Variants in DISC1 observed in about 807,000 individuals in gnomAD.
DISC1 encodes DISC1 scaffold protein, also known as disrupted in schizophrenia 1 protein.
DISC1 carries 57 observed loss-of-function variants against 84.5 expected under a neutral mutation model. That is an observed-to-expected ratio of 0.67 (90% CI 0.55 to 0.84). The LOEUF is 0.84. DISC1 is among the 40% of genes least tolerant of loss of function. The pLI is 0.00. For missense variants in DISC1, 1,000 were observed against 1,057.8 expected (o/e 0.95, Z 0.76); for synonymous variants, 411 against 415.2 (o/e 0.99, Z 0.12).
intron 1 of DISC1, among the ~76,000 whole-genome samples, chr1:231,666,615 C>G (rs964771561): frequency 1.3e-5 from 2 of 152,166 alleles, no homozygotes; most frequent in Non-Finnish European, 2.9e-5. Context: ...CAGACACAGG[C>G]CAGGCAGCTG....
At chr1:231,649,652 G>A (rs896329296) in intron 1 of DISC1, among the ~76,000 whole-genome samples, 5 of 152,264 alleles carry the variant, frequency 3.3e-5, no homozygotes, top group Admixed American at 1.3e-4. Context: ...TATTGACAGC[G>A]GGGTGTTAAA....
intron 9 of DISC1, chr1:231,943,859 G>A (rs931112918): frequency 5.3e-5 from 8 of 152,004 alleles, no homozygotes; most frequent in Admixed American, 2.0e-4. Flanking sequence ...GAGTAGCTGG[G>A]ACTATGGACA....
At chr1:232,003,265 G>A (rs1046989550) in intron 10 of DISC1, among the ~76,000 whole-genome samples, 3 of 152,042 alleles carry the variant, frequency 2.0e-5, no homozygotes, top group Non-Finnish European at 2.9e-5. Flanking sequence ...CAAATAAACT[G>A]AAAACATAGA....
Position 232,036,827 on chromosome 1 carries a change from C to A in DISC1, c.2561C>A (p.Ala854Asp). The A allele has an allele frequency of 6.4e-7, 1 of 1,564,648 alleles. No homozygotes were observed. Among genetic ancestry groups the A allele is most frequent in the Non-Finnish European group, 8.7e-7 (1 of 1,145,982 alleles). Residue 854 changes from alanine (A) to aspartate (D), a missense_variant, in exon 13 of 13, where the codon GCC (alanine) becomes GAC (aspartate). By Grantham distance (126) the Ala-to-Asp change is moderately radical (BLOSUM62 -2). Transcript: ENST00000439617. Reference sequence around the variant, plus strand: ...ACAGCTGGTGTCCACGAAGCACAAGCCTGAGGAGTGACGGGATGGGGGAGG... The same window carrying A: ...ACAGCTGGTGTCCACGAAGCACAAGACTGAGGAGTGACGGGATGGGGGAGG... ...CMTAGVHEAQ[A>D] is the part of the protein sequence containing the mutation.
chr1:231,636,534 C>A (rs2059216020), intron 1 of DISC1, among the ~76,000 whole-genome samples: 1 of 152,138 alleles, frequency 6.6e-6, no homozygotes, highest in South Asian at 2.1e-4. Context: ...TTGAATTTAA[C>A]TTTTATATAT....
intron 6 of DISC1, among the ~76,000 whole-genome samples, chr1:231,785,257 T>TTTATTTATTTA (rs376064708): frequency 2.9e-5 from 3 of 104,830 alleles, no homozygotes; most frequent in East Asian, 2.6e-4. Context: ...GTGTGTGTTA[T>TTTATTTATTTA]TTTATTTATT....
chr1:231,767,371 T>C (rs1194988362), intron 5 of DISC1, 102 bp downstream of exon 5: 4 of 1,490,488 alleles, frequency 2.7e-6, no homozygotes, highest in Non-Finnish European at 3.6e-6. Flanking sequence ...GGTGCAATCA[T>C]AGCTCATTGC....
chr1:231,940,236 C>T (rs1199429352), intron 9 of DISC1, among the ~76,000 whole-genome samples: 5 of 152,098 alleles, frequency 3.3e-5, no homozygotes, highest in African/African-American at 7.2e-5. Context: ...CCAGTTTGCA[C>T]GGTTCTTGAG....
intron 9 of DISC1, among the ~76,000 whole-genome samples, chr1:231,942,715 G>A (rs2091423568): frequency 6.6e-6 from 1 of 152,072 alleles, no homozygotes; most frequent in Admixed American, 6.6e-5. Context: ...AAACGCCATG[G>A]CCAGAGGCGC....
chr1:231,943,798 ACTGCAAC>A (rs1386198977), intron 9 of DISC1: 5 of 150,032 alleles, frequency 3.3e-5, no homozygotes, highest in Non-Finnish European at 7.4e-5. Flanking sequence ...ATCTTGGCTC[ACTGCAAC>A]CTCCACGTCC....
chr1:231,680,013 A>G lies in DISC1; in HGVS notation c.68-13813A>G, dbSNP rs138668519. Among the ~76,000 whole-genome samples, 376 of 152,324 alleles carry G rather than the reference A, an allele frequency of 2.5e-3. 6 individuals carry two copies. The highest frequency in any genetic ancestry group is 8.6e-3 in the African/African-American group (359 of 41,584). On this transcript the variant is annotated intron_variant, in intron 1 of 12. Transcript: ENST00000439617. ...GAGGCCGAGGTGGATAGATTACCTA[A>G]GGTCAGGAGTTTGAGACCAGCCTGG...
intron 10 of DISC1, among the ~76,000 whole-genome samples, chr1:231,972,554 T>C (rs1426689704): frequency 6.6e-6 from 1 of 152,202 alleles, no homozygotes; most frequent in Non-Finnish European, 1.5e-5. Context: ...TTAGTCTACC[T>C]AGGAAGAAGG....
At chr1:231,970,062 G>A (rs1474527568) in intron 10 of DISC1, among the ~76,000 whole-genome samples, 1 of 152,124 alleles carries the variant, frequency 6.6e-6, no homozygotes, top group Non-Finnish European at 1.5e-5. Context: ...ATAAACATAC[G>A]TGTGCATGTG....
chr1:232,010,813 C>A (rs1667957151), intron 11 of DISC1, among the ~76,000 whole-genome samples: 1 of 152,134 alleles, frequency 6.6e-6, no homozygotes, highest in Non-Finnish European at 1.5e-5. Flanking sequence ...GGCCTGTTTG[C>A]TCGGATTCTT....
intron 1 of DISC1, among the ~76,000 whole-genome samples, chr1:231,663,599 G>A (rs201428934): frequency 1.8e-4 from 27 of 152,148 alleles, no homozygotes; most frequent in Non-Finnish European, 3.1e-4. Context: ...GAAATCTGAT[G>A]CTTTCCTTCA....
intron 9 of DISC1, chr1:231,866,634 C>T: frequency 1.3e-6 from 2 of 1,579,654 alleles, no homozygotes; most frequent in East Asian, 2.2e-5. Context: ...TGACTTCAGC[C>T]CCCAGCGCTC....
At chr1:231,882,726 T>G (rs1353852716) in intron 9 of DISC1, among the ~76,000 whole-genome samples, 1 of 152,038 alleles carries the variant, frequency 6.6e-6, no homozygotes, top group East Asian at 1.9e-4. Flanking sequence ...CAGAGCCAAA[T>G]GGATGGTGTG....
At chr1:231,996,626 G>T (rs1209841889) in intron 10 of DISC1, among the ~76,000 whole-genome samples, 1 of 152,076 alleles carries the variant, frequency 6.6e-6, no homozygotes, top group East Asian at 1.9e-4. Context: ...CTCCTAAAAT[G>T]GATAGAAACC....
At chr1:231,796,145 A>G (rs2078748188) in intron 7 of DISC1, among the ~76,000 whole-genome samples, 1 of 152,174 alleles carries the variant, frequency 6.6e-6, no homozygotes, top group Non-Finnish European at 1.5e-5. Context: ...TTAAATAGTC[A>G]ATGTCCTCAT....
Sources: allele counts gnomAD v4.1 joint callset (sites outside exome capture counted in the v4.1 genomes callset), GRCh38; gene constraint gnomAD v4.1.1; transcripts MANE v1.5; gene names NCBI Gene and HGNC (gene_info 2026-07-23, HGNC 2026-07-21).